TMEM235: variants seen among roughly 807,000 people sequenced by gnomAD.
TMEM235 encodes the protein claudin-27.
A neutral mutation model predicts 22.9 loss-of-function variants in TMEM235; 23 were observed. That is an observed-to-expected ratio of 1.00 (90% CI 0.72 to 1.42). The LOEUF (loss-of-function observed/expected upper bound fraction) is 1.42, where lower values mean the gene tolerates loss of function less well. Among genes scored for constraint, TMEM235 ranks in the 40% most tolerant of loss-of-function variants. TMEM235 has a pLI of 0.00. For missense variants in TMEM235, 308 were observed against 299.5 expected (o/e 1.03, Z -0.21); for synonymous variants, 137 against 140.5 (o/e 0.98, Z 0.17).
chr17:78,234,062 A>G (rs2076615218), intron 3 of TMEM235, 87 bp downstream of exon 2: 1 of 1,155,306 alleles, frequency 8.7e-7, no homozygotes, highest in East Asian at 2.6e-5. Flanking sequence ...ATCCCGCAGC[A>G]CTGCTTCCAC....
rs1035836179 is a variant in TMEM235, at chr17:78,239,159, G to A, written c.545G>A (p.Trp182Ter). 6.5e-7 allele frequency: 1 copy of A among 1,542,668 alleles called. No homozygotes were observed. The highest frequency in any genetic ancestry group is 1.4e-5 in the African/African-American group (1 of 73,058). Residue 182 changes from tryptophan (W) to a stop codon, truncating the protein, a stop_gained, in exon 5 of 6, where the codon TGG becomes TAG. Coordinates refer to ENST00000421688, the Ensembl canonical transcript of TMEM235. LOFTEE classifies it high-confidence loss of function. ...TTCGGCTGGTCCATGGCCCTGGCCT[G>A]GGGCTCCTGTGCCTTGGAGGCATTC...
At chr17:78,232,156 T>G in exon 2 of TMEM235, 1 of 1,488,494 alleles carries the variant, frequency 6.7e-7, no homozygotes, top group Non-Finnish European at 8.9e-7. Flanking sequence ...TGGCAGCGCC[T>G]GGCCCGGGCG....
chr17:78,233,948 G>T (rs1423987618), exon 3 of TMEM235: 1 of 1,534,204 alleles, frequency 6.5e-7, no homozygotes, highest in Non-Finnish European at 8.7e-7. Context: ...GAGCCTGGAC[G>T]TCTCCACCTC....
At chr17:78,240,004 C>A (rs2076691843) in exon 6 of TMEM235, 1 of 1,534,656 alleles carries the variant, frequency 6.5e-7, no homozygotes, top group Non-Finnish European at 8.8e-7. Flanking sequence ...CTGCCCCCTC[C>A]CTTGTTCTCA....
chr17:78,235,002 C>T (rs1599043044), intron 4 of TMEM235, among the ~76,000 whole-genome samples: 1 of 152,226 alleles, frequency 6.6e-6, no homozygotes, highest in Non-Finnish European at 1.5e-5. Context: ...TGCCTGTGAT[C>T]CCAGCACTTT....
At position 78,238,976 on chromosome 17, in the gene TMEM235, C is replaced by A. The variant is rs758382441; in HGVS notation, c.410-48C>A. On this transcript the variant is annotated intron_variant, in intron 4 of 5. Transcript: ENST00000421688. This position sits in a 1 kb window ranked among gnomAD's most constrained non-coding sequence, Gnocchi z 4.3. ...GTCTGCAGGACCACCTGGGCCTGGG[C>A]CCGCTAGAGCAGACACCGAGCAGCT... The A allele has an allele frequency of 4.8e-5, 73 of 1,506,750 alleles. 2 individuals carry two copies. The highest frequency in any genetic ancestry group is 4.7e-4 in the East Asian group (19 of 40,374). 93.3% of individuals were successfully genotyped at this position (1,506,750 alleles called of 1,614,324 possible). A position where few individuals can be genotyped will look rare whatever the true frequency, so the allele number is the denominator to read the frequency against.
chr17:78,231,389 G>C, intron 1 of TMEM235: 1 of 1,264,398 alleles, frequency 7.9e-7, no homozygotes, highest in Non-Finnish European at 1.0e-6. Context: ...GGGGGCATTT[G>C]TAATTATGAG....
exon 6 of TMEM235, chr17:78,240,192 A>G: frequency 1.5e-6 from 1 of 663,164 alleles, no homozygotes. Flanking sequence ...GCAGAGATGG[A>G]AGTCCCAGAA....
chr17:78,238,548 CTCTG>C lies in TMEM235; in HGVS notation c.410-474_410-471del, dbSNP rs2076669708. On this transcript the variant is annotated intron_variant, in intron 4 of 5. Transcript: ENST00000421688. This position sits in a 1 kb window ranked among gnomAD's most constrained non-coding sequence, Gnocchi z 4.3. Reference sequence around the variant, plus strand: ...ACGCTGCTGCCAGCAGAGGCCATGGCTCTGTGTGTGTGTGTGTGTGTGTGTGTGT... The same window carrying C: ...ACGCTGCTGCCAGCAGAGGCCATGGCTGTGTGTGTGTGTGTGTGTGTGTGT... Among the ~76,000 whole-genome samples the C allele has an allele frequency of 5.2e-5, 5 of 96,390 alleles. No homozygotes were observed. The allele number at this position is 96,390 out of a possible 152,430, so 63.2% of individuals were successfully genotyped here.
intron 2 of TMEM235, among the ~76,000 whole-genome samples, chr17:78,233,421 G>A (rs549692177): frequency 6.6e-6 from 1 of 152,336 alleles, no homozygotes; most frequent in Admixed American, 6.5e-5. Context: ...AATAAACAAG[G>A]TGAAGGCTGG....
exon 4 of TMEM235, chr17:78,234,713 G>A: frequency 6.5e-7 from 1 of 1,536,160 alleles, no homozygotes; most frequent in Non-Finnish European, 8.7e-7. Context: ...TTCACCGGCT[G>A]CTACTTCCTG....
intron 4 of TMEM235, among the ~76,000 whole-genome samples, chr17:78,236,481 G>T (rs2076645417): frequency 6.6e-6 from 1 of 152,212 alleles, no homozygotes; most frequent in African/African-American, 2.4e-5. Flanking sequence ...TCCTCCGAAG[G>T]CTCCTCCGAG....
intron 3 of TMEM235, 62 bp downstream of exon 2, chr17:78,234,037 GCCATCC>G: frequency 1.4e-6 from 2 of 1,396,680 alleles, no homozygotes; most frequent in Non-Finnish European, 1.9e-6. Context: ...GCAGATCCCA[GCCATCC>G]CCATCCCCAT....
rs72901717 is a variant in TMEM235, at chr17:78,238,200, G to A, written c.410-824G>A. 0.08 allele frequency among the ~76,000 whole-genome samples: 12,230 copies of A among 152,314 alleles called. 703 individuals are homozygous for A. The highest frequency in any genetic ancestry group is 0.19 in the Middle Eastern group (56 of 294). ...GACAGGAAAATGCCCTGGAGGCATG[G>A]GCCGAGTCCCCTACCTAGCTCGTTG... is the stretch of plus-strand genomic sequence containing the variant. On this transcript the variant is annotated intron_variant, in intron 4 of 5. Transcript: ENST00000421688. The surrounding 1 kb of genome is among the most constrained non-coding windows in gnomAD (Gnocchi z 4.3).
At chr17:78,235,177 T>A (rs1173454704) in intron 4 of TMEM235, among the ~76,000 whole-genome samples, 2 of 152,354 alleles carry the variant, frequency 1.3e-5, no homozygotes, top group Admixed American at 6.5e-5. Context: ...AGCATGATGC[T>A]TGGCTTCTGG....
At chr17:78,240,157 G>A (rs1385905890) in exon 6 of TMEM235, 2 of 1,013,428 alleles carry the variant, frequency 2.0e-6, no homozygotes, top group Non-Finnish European at 2.6e-6. Flanking sequence ...GCCACTGTGA[G>A]TGCCCTGGTG....
At position 78,234,899 on chromosome 17, in the gene TMEM235, C is replaced by T. The variant is rs2076626602; in HGVS notation, c.409+169C>T. Among the ~76,000 whole-genome samples the T allele has an allele frequency of 2.6e-5, 4 of 152,180 alleles. 1 individual carries two copies. The South Asian group carries it at 6.2e-4, about 24-fold the overall frequency. ...CAGCTCCCTGTGGTTCCAGAAGGTA[C>T]CCATGTATATTTGTTCTCACGTTGC... On this transcript the variant is annotated intron_variant, in intron 4 of 5. Coordinates refer to ENST00000421688, the Ensembl canonical transcript of TMEM235.
At position 78,231,675 on chromosome 17, in the gene TMEM235, C is replaced by A; in HGVS notation, c.-349C>A. ...CAGGCAGGTGCATCTTGTTTGGCTGCTGAGGAGCCGGGGGTTCAGGGAAAT... is the reference window on the plus strand; with the variant it reads ...CAGGCAGGTGCATCTTGTTTGGCTGATGAGGAGCCGGGGGTTCAGGGAAAT... On this transcript the variant is annotated 5_prime_UTR_variant, in exon 2 of 6. The change creates a new upstream start codon in the 5' untranslated region. Coordinates refer to ENST00000421688, the Ensembl canonical transcript of TMEM235. 7.7e-7 allele frequency: 1 copy of A among 1,294,692 alleles called. No homozygotes were observed. The highest frequency in any genetic ancestry group is 1.0e-6 in the Non-Finnish European group (1 of 982,834). 80.2% of individuals were successfully genotyped at this position (1,294,692 alleles called of 1,614,324 possible).
intron 5 of TMEM235, among the ~76,000 whole-genome samples, 157 bp from the exon 5 acceptor site, chr17:78,239,623 G>A (rs115972938): frequency 0.026 from 3,952 of 152,182 alleles, 86 homozygotes; most frequent in East Asian, 0.051. Flanking sequence ...GCCTGAACTC[G>A]CCCCTCCCCC....
Sources: allele counts gnomAD v4.1 joint callset (sites outside exome capture counted in the v4.1 genomes callset), GRCh38; gene constraint gnomAD v4.1.1; non-coding constraint Gnocchi (gnomAD v3.1); transcripts MANE v1.5; gene names NCBI Gene and HGNC (gene_info 2026-07-23, HGNC 2026-07-21).